Variants in AOAH observed in about 807,000 individuals in gnomAD.
AOAH encodes the protein acyloxyacyl hydrolase (neutrophil).
Under a neutral mutation model 92.2 loss-of-function variants are expected in AOAH, and 64 were observed. That is an observed-to-expected ratio of 0.69 (90% CI 0.57 to 0.86). The LOEUF (loss-of-function observed/expected upper bound fraction) is 0.86, where lower values mean the gene tolerates loss of function less well. Ranked by LOEUF, AOAH falls within the 40% of genes least tolerant of loss-of-function variation. AOAH has a pLI of 0.00. For synonymous variants in AOAH, 263 were observed against 254.5 expected (o/e 1.03, Z -0.32); for missense variants, 656 against 694.6 (o/e 0.94, Z 0.62).
intron 11 of AOAH, among the ~76,000 whole-genome samples, chr7:36,604,819 C>T (rs964537740): frequency 6.6e-6 from 1 of 152,176 alleles, no homozygotes; most frequent in African/African-American, 2.4e-5. Flanking sequence ...ACAGCTGAGC[C>T]CATATCCTGC....
At chr7:36,666,727 A>G (rs989681788) in intron 3 of AOAH, among the ~76,000 whole-genome samples, 3 of 152,102 alleles carry the variant, frequency 2.0e-5, no homozygotes, top group African/African-American at 7.2e-5. Context: ...CTGTTTAAGC[A>G]CTGCTTTCAC....
intron 11 of AOAH, among the ~76,000 whole-genome samples, chr7:36,615,719 C>T (rs74512331): frequency 4.5e-4 from 68 of 152,284 alleles, no homozygotes; most frequent in East Asian, 2.7e-3. Context: ...ACAGGGTTGC[C>T]ATTATATGTC....
At position 36,637,954 on chromosome 7, in the gene AOAH, T is replaced by G. The variant is rs368951925; in HGVS notation, c.391-44A>C. 366 of 1,474,922 alleles carry G rather than the reference T, an allele frequency of 2.5e-4. 1 individual carries two copies. Among genetic ancestry groups the G allele is most frequent in the Non-Finnish European group, 2.1e-4 (219 of 1,056,030 alleles). 91.4% of individuals were successfully genotyped at this position (1,474,922 alleles called of 1,614,324 possible). On this transcript the variant is annotated intron_variant, in intron 4 of 20. Coordinates refer to ENST00000617537, the MANE Select transcript of AOAH (RefSeq NM_001637.4). ...AGAACATTACAACTCATGTTTTATC[T>G]TTTCTTCCTACATCTTTTCTAAAAT...
chr7:36,710,323 A>C (rs1562719944), intron 1 of AOAH, among the ~76,000 whole-genome samples: 1 of 152,188 alleles, frequency 6.6e-6, no homozygotes, highest in African/African-American at 2.4e-5. Context: ...TTGTTTTGAA[A>C]GAAAGAAATA....
chr7:36,634,232 A>G (rs1793358821), intron 5 of AOAH, among the ~76,000 whole-genome samples: 1 of 152,178 alleles, frequency 6.6e-6, no homozygotes, highest in Non-Finnish European at 1.5e-5. Flanking sequence ...CCAAAGAAAG[A>G]AACAGTAAAA....
intron 13 of AOAH, among the ~76,000 whole-genome samples, chr7:36,560,962 T>TAAC (rs1016513860): frequency 6.6e-6 from 1 of 152,206 alleles, no homozygotes; most frequent in African/African-American, 2.4e-5. Context: ...AAGCAGGGAT[T>TAAC]AACAGATGAG....
Position 36,600,336 on chromosome 7 carries a change from C to T in AOAH, c.847-5906G>A, listed in dbSNP as rs571087031. Among the ~76,000 whole-genome samples, 3 of 152,282 alleles carry T rather than the reference C, an allele frequency of 2.0e-5. No individual in the cohort carries two copies. The South Asian group carries it at 6.2e-4, about 32-fold the overall frequency. On this transcript the variant is annotated intron_variant, in intron 11 of 20. Transcript: ENST00000617537. ...AGACAAACAGCAGCAAATTAAATGACCAACCCTTAACCCAGTGAGAGGCTC... is the reference window on the plus strand; with the variant it reads ...AGACAAACAGCAGCAAATTAAATGATCAACCCTTAACCCAGTGAGAGGCTC...
chr7:36,707,514 T>G (rs1254763486), intron 1 of AOAH, among the ~76,000 whole-genome samples: 1 of 152,144 alleles, frequency 6.6e-6, no homozygotes. Flanking sequence ...CCAATAGACT[T>G]GTTTGGCATA....
intron 6 of AOAH, among the ~76,000 whole-genome samples, chr7:36,624,684 T>C (rs1257147288): frequency 6.6e-6 from 1 of 152,136 alleles, no homozygotes; most frequent in Non-Finnish European, 1.5e-5. Flanking sequence ...CTCTGGATGT[T>C]CCCTTCAGTG....
In AOAH at chr7:36,516,076, G is replaced by A. The variant is rs1471324840; in HGVS notation, c.1600-2696C>T. 2.5e-5 allele frequency among the ~76,000 whole-genome samples: 3 copies of A among 119,006 alleles called. No homozygotes were observed. Among genetic ancestry groups the A allele is most frequent in the East Asian group, 5.8e-4 (2 of 3,466 alleles). 78.1% of individuals were successfully genotyped at this position (119,006 alleles called of 152,430 possible). A position where few individuals can be genotyped will look rare whatever the true frequency, so the allele number is the denominator to read the frequency against. On this transcript the variant is annotated intron_variant, in intron 20 of 20. Coordinates refer to ENST00000617537, the MANE Select transcript of AOAH (RefSeq NM_001637.4). This position sits in a 1 kb window ranked among gnomAD's most constrained non-coding sequence, Gnocchi z 5.0. ...ACACCACACACTACACACACCACAC[G>A]CCACATACACACCATACACACACCA...
intron 19 of AOAH, among the ~76,000 whole-genome samples, chr7:36,524,899 GT>G (rs1356349387): frequency 2.6e-5 from 4 of 152,050 alleles, no homozygotes; most frequent in Admixed American, 2.6e-4. Flanking sequence ...AAGCCACCCA[GT>G]TCATGGTATT....
At chr7:36,587,252 A>G (rs141069641) in intron 12 of AOAH, among the ~76,000 whole-genome samples, 12,989 of 147,200 alleles carry the variant, frequency 0.088, 683 homozygotes, top group African/African-American at 0.12. Context: ...AGCCTGGGCA[A>G]TAGAGAGAGA....
At chr7:36,637,790 G>A (rs547308120) in intron 5 of AOAH, 61 bp downstream of exon 5, 46 of 1,490,948 alleles carry the variant, frequency 3.1e-5, no homozygotes, top group Admixed American at 1.3e-4. Context: ...TGTGAAAGCC[G>A]GGGCCAGTGA....
At chr7:36,571,624 T>G (rs1033315604) in intron 13 of AOAH, among the ~76,000 whole-genome samples, 2 of 152,142 alleles carry the variant, frequency 1.3e-5, no homozygotes, top group African/African-American at 4.8e-5. Flanking sequence ...AATCTTAGCT[T>G]CCATCACTTC....
intron 19 of AOAH, among the ~76,000 whole-genome samples, chr7:36,524,768 T>A (rs1271141323): frequency 3.3e-5 from 5 of 150,896 alleles, no homozygotes; most frequent in African/African-American, 1.2e-4. Flanking sequence ...TGTGAGGATA[T>A]GATGAGAAGT....
intron 1 of AOAH, among the ~76,000 whole-genome samples, chr7:36,714,653 G>A (rs1422858043): frequency 1.3e-5 from 2 of 152,102 alleles, no homozygotes; most frequent in African/African-American, 2.4e-5. Context: ...TTCATCCCTG[G>A]GATGCAAGGC....
At chr7:36,647,500 G>A (rs1016470903) in intron 4 of AOAH, among the ~76,000 whole-genome samples, 117 of 152,320 alleles carry the variant, frequency 7.7e-4, no homozygotes, top group Non-Finnish European at 6.8e-4. Context: ...CTCAAAAGCA[G>A]ACAAGAAAAA....
chr7:36,645,879 C>A (rs1794192857), intron 4 of AOAH, among the ~76,000 whole-genome samples: 1 of 151,840 alleles, frequency 6.6e-6, no homozygotes, highest in African/African-American at 2.4e-5. Flanking sequence ...CATATTTTAC[C>A]CTTAGCTAAA....
At chr7:36,654,100 C>T (rs1231220834) in intron 4 of AOAH, among the ~76,000 whole-genome samples, 4 of 120,728 alleles carry the variant, frequency 3.3e-5, no homozygotes, top group African/African-American at 2.5e-5. Flanking sequence ...GAGCCAGTCA[C>T]GTGCATGCAT....
Sources: allele counts gnomAD v4.1 joint callset (sites outside exome capture counted in the v4.1 genomes callset), GRCh38; gene constraint gnomAD v4.1.1; non-coding constraint Gnocchi (gnomAD v3.1); transcripts MANE v1.5; gene names NCBI Gene and HGNC (gene_info 2026-07-23, HGNC 2026-07-21).